SEC31B: variants seen among roughly 807,000 people sequenced by gnomAD.
The protein encoded by SEC31B is protein transport protein Sec31B.
SEC31B carries 113 observed loss-of-function variants against 135.0 expected under a neutral mutation model. The ratio of observed to expected loss-of-function variants is 0.84; its 90% CI spans 0.72 to 0.98. The LOEUF (loss-of-function observed/expected upper bound fraction) is 0.98. Ranked by LOEUF, SEC31B falls within the 50% of genes least tolerant of loss-of-function variation. The probability of loss-of-function intolerance (pLI) is 0.00; values close to 1 mark genes in which losing one functional copy is unlikely to be tolerated. For synonymous variants in SEC31B, 508 were observed against 549.4 expected (o/e 0.92, Z 1.05); for missense variants, 1,296 against 1,421.1 (o/e 0.91, Z 1.42).
chr10:100,497,464 TA>T, intron 16 of SEC31B, 184 bp from the exon 17 acceptor site: 1 of 1,472,124 alleles, frequency 6.8e-7, no homozygotes, highest in Non-Finnish European at 9.0e-7. Flanking sequence ...CAAGACAAGG[TA>T]AAACAGGACA....
chr10:100,509,815 G>A (rs1222972918), intron 3 of SEC31B, among the ~76,000 whole-genome samples: 1 of 152,104 alleles, frequency 6.6e-6, no homozygotes, highest in African/African-American at 2.4e-5. Flanking sequence ...ATATAGGCTG[G>A]TGATATATAC....
chr10:100,491,296 G>A (rs1851296203), intron 19 of SEC31B, among the ~76,000 whole-genome samples: 1 of 152,078 alleles, frequency 6.6e-6, no homozygotes, highest in African/African-American at 2.4e-5. Flanking sequence ...AAATCTCCAG[G>A]CCTAGATGGT....
chr10:100,507,615 C>T lies in SEC31B; in HGVS notation c.640-48G>A, dbSNP rs371285432. The T allele has an allele frequency of 6.3e-5, 101 of 1,609,078 alleles. No individual in the cohort carries two copies. The African/African-American group carries it at 1.3e-3, about 20-fold the overall frequency. On this transcript the variant is annotated intron_variant, in intron 6 of 25. Transcript: ENST00000370345. ...TGGGTGCTGTAACCTGACTCTTTTG[C>T]CCAGTTGAAATGGGACCACTCTGAG...
chr10:100,497,512 TGG>T, intron 16 of SEC31B, 153 bp downstream of exon 16: 1 of 1,514,338 alleles, frequency 6.6e-7, no homozygotes, highest in African/African-American at 1.4e-5. Flanking sequence ...GCATGCACTG[TGG>T]TCCCTGCCTC....
At chr10:100,490,627 CA>C in intron 20 of SEC31B, 78 bp downstream of exon 20, 2 of 1,386,764 alleles carry the variant, frequency 1.4e-6, no homozygotes, top group Non-Finnish European at 1.9e-6. Context: ...TACAGCTTCC[CA>C]AATCCATGCT....
At chr10:100,489,126 A>G (rs1294674311) in intron 23 of SEC31B, 126 bp downstream of exon 23, 2 of 1,439,782 alleles carry the variant, frequency 1.4e-6, no homozygotes, top group African/African-American at 2.8e-5. Flanking sequence ...TGCAGTAAGG[A>G]CACCTGGTAC....
intron 11 of SEC31B, chr10:100,501,767 A>G (rs1252849806): frequency 3.7e-5 from 6 of 160,046 alleles, no homozygotes; most frequent in Non-Finnish European, 6.9e-5. Context: ...CCATGCCTCC[A>G]GTGTACAGTG....
Position 100,498,019 on chromosome 10 carries a change from G to A in SEC31B, c.1863+10C>T. 1 of 1,613,984 alleles carries A rather than the reference G, an allele frequency of 6.2e-7. No individual in the cohort carries two copies. The highest frequency in any genetic ancestry group is 1.1e-5 in the South Asian group (1 of 91,056). On this transcript the variant is annotated intron_variant, in intron 15 of 25. Coordinates refer to ENST00000370345, the MANE Select transcript of SEC31B (RefSeq NM_015490.4). The stretch of plus-strand genomic sequence containing the variant: ...CCCCTCCCTTCTTCTCCTGCATGAT[G>A]GGCAGTTACCGAGGAGATTTTGGTT...
At position 100,489,336 on chromosome 10, in the gene SEC31B, C is replaced by T. The variant is rs756259622; in HGVS notation, c.3087G>A (p.Glu1029=). The change falls in exon 23 of 26, where the codon GAG becomes GAA. Residue 1029 remains glutamate (E), a synonymous_variant. Transcript: ENST00000370345. ...ITAPVMSLTP[E]LQGILPSQPP... The stretch of plus-strand genomic sequence containing the variant: ...GCTGTGAGGGAAGAATCCCTTGTAG[C>T]TCAGGGGTGAGGCTCATAACTGGAG... 4.3e-6 allele frequency: 7 copies of T among 1,613,930 alleles called. No individual in the cohort carries two copies. Among genetic ancestry groups the T allele is most frequent in the Non-Finnish European group, 5.9e-6 (7 of 1,179,966 alleles).
chr10:100,516,188 G>C lies in SEC31B; in HGVS notation c.111C>G (p.Phe37Leu). The C allele has an allele frequency of 6.2e-7, 1 of 1,614,000 alleles. No homozygotes were observed. The highest frequency in any genetic ancestry group is 8.5e-7 in the Non-Finnish European group (1 of 1,179,980). The stretch of plus-strand genomic sequence containing the variant: ...ATATTTCCAATGTGCCATTTGTGCT[G>C]AAGGAGGAATCTAGCTGTTGGGCAG... The part of the protein sequence containing the change: ...GTSAQQLDSS[F>L]STNGTLEIFE... Residue 37 changes from phenylalanine to leucine, a missense_variant, in exon 3 of 26, where the codon TTC (phenylalanine) becomes TTG (leucine). Physicochemically the swap from Phe to Leu is conservative, Grantham distance 22 (BLOSUM62 0). Transcript: ENST00000370345.
chr10:100,504,376 A>T (rs995437661), intron 10 of SEC31B, among the ~76,000 whole-genome samples: 1 of 152,212 alleles, frequency 6.6e-6, no homozygotes, highest in Admixed American at 6.5e-5. Flanking sequence ...CATTGTACCA[A>T]GTGCTTCAGG....
At chr10:100,490,905 A>C (rs762950717) in intron 19 of SEC31B, 22 bp from the exon 20 acceptor site, 1 of 1,391,996 alleles carries the variant, frequency 7.2e-7, no homozygotes, top group Admixed American at 2.5e-5. Flanking sequence ...AAAAAACATC[A>C]GCTCTTGGAA....
At chr10:100,512,385 C>T (rs953133266) in intron 3 of SEC31B, among the ~76,000 whole-genome samples, 1 of 152,196 alleles carries the variant, frequency 6.6e-6, no homozygotes. Flanking sequence ...TCCCAGAAAC[C>T]TTTCTTTTTG....
rs760362487 is a variant in SEC31B, at chr10:100,505,504, A to G, written c.1045-9T>C. 13 of 1,512,476 alleles carry G rather than the reference A, an allele frequency of 8.6e-6. No homozygotes were observed. Among genetic ancestry groups the G allele is most frequent in the Middle Eastern group, 1.8e-4 (1 of 5,546 alleles). The allele number at this position is 1,512,476 out of a possible 1,614,324, so 93.7% of individuals were successfully genotyped here. On this transcript the variant is annotated splice_polypyrimidine_tract_variant and intron_variant, in intron 9 of 25. Transcript: ENST00000370345. ...CTGAAGGAAGAGGAGATCTGGGGGGAAAAGACACCTGCATCGCCATCCTAA... is the reference window on the plus strand; with the variant it reads ...CTGAAGGAAGAGGAGATCTGGGGGGGAAAGACACCTGCATCGCCATCCTAA...
chr10:100,512,539 T>C (rs1178517198), intron 3 of SEC31B, among the ~76,000 whole-genome samples: 2 of 152,220 alleles, frequency 1.3e-5, no homozygotes, highest in Admixed American at 6.5e-5. Flanking sequence ...TCTATACCCA[T>C]ACTGGTGTTT....
chr10:100,510,740 A>G (rs117081648), intron 3 of SEC31B, among the ~76,000 whole-genome samples: 1,940 of 152,354 alleles, frequency 0.013, 19 homozygotes, highest in South Asian at 0.035. Context: ...GAAGCAAAGT[A>G]TGGAGAACCA....
intron 12 of SEC31B, 99 bp downstream of exon 12, chr10:100,499,425 T>G (rs1851474606): frequency 8.7e-7 from 1 of 1,145,322 alleles, no homozygotes; most frequent in South Asian, 1.4e-5. Context: ...ACATATGCAA[T>G]AATAAGGCCA....
chr10:100,492,535 C>G lies in SEC31B; in HGVS notation c.2473-1652G>C, dbSNP rs548688662. Among the ~76,000 whole-genome samples, 5 of 152,272 alleles carry G rather than the reference C, an allele frequency of 3.3e-5. No individual in the cohort carries two copies. The South Asian group carries it at 1.0e-3, about 32-fold the overall frequency. On this transcript the variant is annotated intron_variant, in intron 19 of 25. Transcript: ENST00000370345. ...CAGCGCCTGGCTTATGTTCACTATT[C>G]TTATTTAACAGAGACTGGAAGTCCT...
chr10:100,487,888 C>G (rs557463337), intron 25 of SEC31B, 93 bp from the exon 26 acceptor site: 48 of 1,544,068 alleles, frequency 3.1e-5, no homozygotes, highest in Non-Finnish European at 3.8e-5. Context: ...GTTCTGGGGC[C>G]CAGTCCAGGC....
Sources: allele counts gnomAD v4.1 joint callset (sites outside exome capture counted in the v4.1 genomes callset), GRCh38; gene constraint gnomAD v4.1.1; transcripts MANE v1.5; gene names NCBI Gene and HGNC (gene_info 2026-07-23, HGNC 2026-07-21).